The following XRCC5 variants were observed in gnomAD, a reference collection of about 807,000 sequenced individuals.
XRCC5 encodes the protein X-ray repair cross complementing 5.
Under a neutral mutation model 95.7 loss-of-function variants are expected in XRCC5, and 12 were observed. The observed-to-expected ratio is 0.13, with a 90% CI of 0.08 to 0.20. The LOEUF is 0.20. Ranked by LOEUF, XRCC5 falls within the 10% of genes least tolerant of loss-of-function variation. The probability of loss-of-function intolerance (pLI) is 1.00; values close to 1 mark genes in which losing one functional copy is unlikely to be tolerated. For missense variants in XRCC5, 595 were observed against 873.9 expected (o/e 0.68, Z 4.02); for synonymous variants, 281 against 290.3 (o/e 0.97, Z 0.33).
intron 13 of XRCC5, among the ~76,000 whole-genome samples, chr2:216,145,709 A>G (rs1003087175): frequency 1.3e-5 from 2 of 152,184 alleles, no homozygotes; most frequent in African/African-American, 4.8e-5. Context: ...TCTCTTGTAG[A>G]TCCTTTATTA....
chr2:216,172,890 T>G (rs1689196284), intron 16 of XRCC5, among the ~76,000 whole-genome samples: 1 of 152,230 alleles, frequency 6.6e-6, no homozygotes, highest in Non-Finnish European at 1.5e-5. Context: ...ATGGAATAGT[T>G]ACTCATTTAT....
intron 15 of XRCC5, 25 bp downstream of exon 15, chr2:216,160,186 T>C: frequency 1.3e-6 from 2 of 1,519,396 alleles, no homozygotes; most frequent in Non-Finnish European, 1.8e-6. Flanking sequence ...TCAAGTGCGC[T>C]TCCCCCTTTG....
intron 3 of XRCC5, chr2:216,117,385 G>C (rs1696717286): frequency 8.1e-6 from 2 of 247,196 alleles, no homozygotes; most frequent in South Asian, 7.9e-5. Flanking sequence ...AAGTGCTGTT[G>C]TGTTAGGAGT....
At chr2:216,195,365 C>CTTTTCTTTTCTT (rs1689697878) in intron 19 of XRCC5, among the ~76,000 whole-genome samples, 3 of 109,768 alleles carry the variant, frequency 2.7e-5, no homozygotes, top group Non-Finnish European at 3.9e-5. Context: ...CTTTTCTTTT[C>CTTTTCTTTTCTT]TTTTCTTTTC....
intron 14 of XRCC5, among the ~76,000 whole-genome samples, chr2:216,152,462 T>G (rs969392425): frequency 1.3e-5 from 2 of 151,664 alleles, no homozygotes; most frequent in African/African-American, 4.8e-5. Flanking sequence ...AGAAAAAAAT[T>G]TGGGTGGGAA....
chr2:216,178,814 TA>T (rs1351499112), intron 16 of XRCC5, among the ~76,000 whole-genome samples: 4 of 152,198 alleles, frequency 2.6e-5, no homozygotes, highest in Admixed American at 2.6e-4. Flanking sequence ...CAGCCAGTGC[TA>T]AATACACAGC....
chr2:216,177,088 C>G (rs989964021), intron 16 of XRCC5, among the ~76,000 whole-genome samples: 21 of 152,186 alleles, frequency 1.4e-4, no homozygotes, highest in African/African-American at 4.6e-4. Context: ...TGAATTTATT[C>G]AGACTTGTTC....
At chr2:216,197,030 A>G (rs1237865563) in intron 19 of XRCC5, among the ~76,000 whole-genome samples, 1 of 152,220 alleles carries the variant, frequency 6.6e-6, no homozygotes, top group South Asian at 2.1e-4. Context: ...GCCATGACCT[A>G]AAAAAGCTTG....
rs556899164 is a variant in XRCC5 at position 216,123,363 on chromosome 2, C to T, written c.683+1110C>T. The stretch of plus-strand genomic sequence containing the variant: ...GAAACAGAATTGCCCACGGGATTGC[C>T]CTAGGAATCAGTGAGGAATCCTGTG... On this transcript the variant is annotated intron_variant, in intron 6 of 20. Coordinates refer to ENST00000392132, the MANE Select transcript of XRCC5 (RefSeq NM_021141.4). Among the ~76,000 whole-genome samples, 11 of 152,248 alleles carry T rather than the reference C, an allele frequency of 7.2e-5. No individual in the cohort carries two copies. In the East Asian group the frequency reaches 1.7e-3, roughly 24 times the overall value.
chr2:216,151,352 G>A (rs1478302406), intron 14 of XRCC5, among the ~76,000 whole-genome samples: 1 of 152,188 alleles, frequency 6.6e-6, no homozygotes, highest in Non-Finnish European at 1.5e-5. Context: ...GACATCTCAG[G>A]TCTAATCCTG....
chr2:216,156,498 A>G (rs2106024320), intron 14 of XRCC5: 2 of 637,362 alleles, frequency 3.1e-6, no homozygotes, highest in Non-Finnish European at 3.1e-6. Context: ...TGACGCATTC[A>G]ATCACAGCAA....
chr2:216,113,206 C>A, intron 2 of XRCC5, 77 bp downstream of exon 2: 1 of 1,256,572 alleles, frequency 8.0e-7, no homozygotes, highest in Non-Finnish European at 1.1e-6. Context: ...TGCAAGATAC[C>A]AGCCTCCTTA....
chr2:216,181,159 T>A (rs1689379415), intron 16 of XRCC5, among the ~76,000 whole-genome samples: 1 of 152,148 alleles, frequency 6.6e-6, no homozygotes, highest in Admixed American at 6.6e-5. Flanking sequence ...TCCATTTCTC[T>A]TCTGCTTTCT....
intron 3 of XRCC5, 116 bp from the exon 4 acceptor site, chr2:216,117,630 T>A (rs764208966): frequency 1.0e-6 from 1 of 990,700 alleles, no homozygotes; most frequent in Admixed American, 1.9e-5. Flanking sequence ...GCAAGTACTT[T>A]AAGTCATCAC....
In XRCC5 at chr2:216,151,023, C is replaced by G. The variant is rs568676173; in HGVS notation, c.1670+2747C>G. On this transcript the variant is annotated intron_variant, in intron 14 of 20. Coordinates refer to ENST00000392132, the MANE Select transcript of XRCC5 (RefSeq NM_021141.4). ...GACCACCATTGTATATGTGGCTCAT[C>G]ATTGACCAAAACGTCATTCCGTGGC... Among the ~76,000 whole-genome samples the G allele has an allele frequency of 4.6e-5, 7 of 152,312 alleles. No homozygotes were observed. The South Asian group carries it at 8.3e-4, about 18-fold the overall frequency.
chr2:216,185,317 C>T (rs1283644207), intron 16 of XRCC5, among the ~76,000 whole-genome samples: 1 of 152,204 alleles, frequency 6.6e-6, no homozygotes, highest in Admixed American at 6.5e-5. Context: ...CACACACCGC[C>T]TCTACCCACA....
chr2:216,148,395 C>T lies in XRCC5; in HGVS notation c.1670+119C>T, dbSNP rs971900147. On this transcript the variant is annotated intron_variant, in intron 14 of 20. Transcript: ENST00000392132. Reference sequence around the variant, plus strand: ...GAATTTAAAAGGTGAGAGGAAGAAGCCTTTTGCTATTTGGCCCTTATATTG... The same window carrying T: ...GAATTTAAAAGGTGAGAGGAAGAAGTCTTTTGCTATTTGGCCCTTATATTG... The T allele has an allele frequency of 4.4e-6, 4 of 910,042 alleles. No individual in the cohort carries two copies. The African/African-American group carries it at 5.2e-5, about 12-fold the overall frequency. The allele number at this position is 910,042 out of a possible 1,614,324, so 56.4% of individuals were successfully genotyped here.
rs756261405 is a variant in XRCC5 at position 216,126,039 on chromosome 2, G to A, written c.798+8G>A. On this transcript the variant is annotated splice_region_variant and intron_variant, in intron 7 of 20. Transcript: ENST00000392132. ...ATTGCAGCCTATAAATCGGTAAGTG[G>A]CAGGTACACATTTTTAACAGAAATG... The A allele has an allele frequency of 1.9e-6, 3 of 1,602,796 alleles. No individual in the cohort carries two copies. Among genetic ancestry groups the A allele is most frequent in the East Asian group, 2.2e-5 (1 of 44,716 alleles).
chr2:216,131,023 AG>A, intron 9 of XRCC5, 36 bp downstream of exon 9: 1 of 1,548,242 alleles, frequency 6.5e-7, no homozygotes, highest in Non-Finnish European at 8.9e-7. Context: ...GCTTTTTCCT[AG>A]CTGTTATTTG....
Sources: gnomAD v4.1 joint callset for allele counts (sites outside exome capture counted in the v4.1 genomes callset) on GRCh38, gnomAD v4.1.1 for gene constraint, MANE v1.5 for transcripts, NCBI Gene and HGNC (gene_info 2026-07-23, HGNC 2026-07-21) for gene names.